Variants in SSU72L3 observed in about 807,000 individuals in gnomAD.
SSU72L3 encodes the protein RNA polymerase II subunit A C-terminal domain phosphatase SSU72 like protein 3.
At chr11:4,330,661 G>T in the SSU72L3 span, among the ~76,000 whole-genome samples, 4 of 152,128 alleles carry the variant, frequency 2.6e-5, no homozygotes, top group African/African-American at 9.7e-5. Context: ...AAAATGCTTG[G>T]CATTGTGCTA....
chr11:4,330,655 T>C, the SSU72L3 span, among the ~76,000 whole-genome samples: 477 of 151,998 alleles, frequency 3.1e-3, 1 homozygote, highest in African/African-American at 0.011. Flanking sequence ...CACTGAAAAA[T>C]GCTTGGCATT....
the SSU72L3 span, chr11:4,330,321 T>C: frequency 1.3e-6 from 1 of 760,876 alleles, no homozygotes; most frequent in Non-Finnish European, 2.4e-6. Context: ...CCTGGGAGCT[T>C]TCCTCATCTG....
At chr11:4,330,717 A>G in the SSU72L3 span, among the ~76,000 whole-genome samples, 1 of 152,190 alleles carries the variant, frequency 6.6e-6, no homozygotes, top group Non-Finnish European at 1.5e-5. Flanking sequence ...ATCATTCTAC[A>G]AGGAAGCTAG....
the SSU72L3 span, among the ~76,000 whole-genome samples, chr11:4,330,722 A>T: frequency 1.1e-4 from 16 of 152,200 alleles, no homozygotes; most frequent in Admixed American, 1.0e-3. Context: ...TCTACAAGGA[A>T]GCTAGCCCAC....
chr11:4,330,699 A>C, the SSU72L3 span, among the ~76,000 whole-genome samples: 1 of 152,196 alleles, frequency 6.6e-6, no homozygotes, highest in Non-Finnish European at 1.5e-5. Context: ...AACTAATTTC[A>C]TGCTTATATC....
the SSU72L3 span, chr11:4,330,304 A>T: frequency 1.1e-5 from 8 of 761,362 alleles, no homozygotes; most frequent in Non-Finnish European, 1.7e-5. Context: ...ACCCTGGAAG[A>T]TGCCACCCTG....
the SSU72L3 span, chr11:4,329,835 G>C: frequency 1.5e-6 from 1 of 660,454 alleles, no homozygotes; most frequent in Non-Finnish European, 2.7e-6. Context: ...TGAGGTGCCT[G>C]TGTCTCTCTG....
chr11:4,330,185 C>A, the SSU72L3 span: 2 of 738,156 alleles, frequency 2.7e-6, no homozygotes, highest in Admixed American at 1.9e-5. Flanking sequence ...CCTTTGATGT[C>A]ATCTTCACCT....
At chr11:4,329,884 G>A in the SSU72L3 span, 16 of 724,166 alleles carry the variant, frequency 2.2e-5, no homozygotes, top group East Asian at 3.0e-4. Context: ...TCCCCACTCA[G>A]GGTGGCTGTG....
the SSU72L3 span, chr11:4,330,390 C>A: frequency 2.6e-6 from 2 of 756,934 alleles, no homozygotes. Context: ...GGAGGAGCTG[C>A]TGTTGCAAAT....
At chr11:4,330,749 A>G in the SSU72L3 span, among the ~76,000 whole-genome samples, 1 of 152,206 alleles carries the variant, frequency 6.6e-6, no homozygotes, top group Admixed American at 6.5e-5. Flanking sequence ...GCCATTTTCC[A>G]GATAAGCAAA....
At chr11:4,330,101 C>G in the SSU72L3 span, 2 of 763,796 alleles carry the variant, frequency 2.6e-6, no homozygotes, top group Non-Finnish European at 4.9e-6. Context: ...ACACCCGCAA[C>G]GGAATCTTAC....
At chr11:4,330,227 A>T in the SSU72L3 span, 6 of 738,484 alleles carry the variant, frequency 8.1e-6, no homozygotes, top group African/African-American at 1.0e-4. Context: ...CAGTGGTGGA[A>T]GATCTGTGTT....
At chr11:4,330,046 A>T in the SSU72L3 span, 1 of 777,294 alleles carries the variant, frequency 1.3e-6, no homozygotes, top group Non-Finnish European at 2.4e-6. Context: ...GCAACAACAT[A>T]TAAGCAGATG....
chr11:4,329,895 G>A, the SSU72L3 span: 2 of 728,224 alleles, frequency 2.7e-6, no homozygotes, highest in African/African-American at 3.5e-5. Flanking sequence ...GGTGGCTGTG[G>A]TGTGCGTGAG....
the SSU72L3 span, chr11:4,330,101 C>A: frequency 1.4e-4 from 105 of 763,800 alleles, 3 homozygotes; most frequent in East Asian, 2.5e-3. Flanking sequence ...ACACCCGCAA[C>A]GGAATCTTAC....
chr11:4,329,891 T>A, the SSU72L3 span: 1 of 727,886 alleles, frequency 1.4e-6, no homozygotes. Context: ...TCAGGGTGGC[T>A]GTGGTGTGCG....
the SSU72L3 span, chr11:4,330,452 A>T: frequency 1.7e-6 from 1 of 592,858 alleles, no homozygotes; most frequent in African/African-American, 2.0e-5. Flanking sequence ...TCTACTGAAC[A>T]TCTGGGCTGG....
the SSU72L3 span, chr11:4,329,846 G>A: frequency 1.0e-5 from 7 of 679,920 alleles, no homozygotes; most frequent in Non-Finnish European, 1.6e-5. Flanking sequence ...TGTCTCTCTG[G>A]TTCCCAGTGG....
Sources: gnomAD v4.1 joint callset for allele counts (sites outside exome capture counted in the v4.1 genomes callset) on GRCh38, gnomAD v4.1.1 for gene constraint, MANE v1.5 for transcripts, NCBI Gene and HGNC (gene_info 2026-07-23, HGNC 2026-07-21) for gene names.